The following SHARPIN variants were observed in gnomAD, a reference collection of about 807,000 sequenced individuals.
SHARPIN encodes SHANK associated RH domain interactor.
Under a neutral mutation model 40.3 loss-of-function variants are expected in SHARPIN, and 25 were observed. That is an observed-to-expected ratio of 0.62 (90% CI 0.45 to 0.87). SHARPIN has a LOEUF of 0.87. Ranked by LOEUF, SHARPIN falls within the 40% of genes least tolerant of loss-of-function variation. SHARPIN has a pLI of 0.00. For missense variants in SHARPIN, 551 were observed against 516.1 expected (o/e 1.07, Z -0.66); for synonymous variants, 274 against 221.8 (o/e 1.24, Z -2.09).
chr8:144,103,344 T>C, intron 1 of SHARPIN, 119 bp from the exon 2 acceptor site: 1 of 1,223,714 alleles, frequency 8.2e-7, no homozygotes. Context: ...TGTACGCCTA[T>C]CATCAAATCC....
intron 2 of SHARPIN, among the ~76,000 whole-genome samples, chr8:144,101,403 A>ATTTTT (rs34270727): frequency 1.5e-4 from 14 of 92,418 alleles, no homozygotes; most frequent in Non-Finnish European, 1.8e-4. Context: ...CACTCAGCTA[A>ATTTTT]TTTTTTTTTT....
intron 2 of SHARPIN, 108 bp from the exon 3 acceptor site, chr8:144,100,177 C>T: frequency 7.2e-7 from 1 of 1,390,756 alleles, no homozygotes; most frequent in South Asian, 1.5e-5. Context: ...ATGCCAGGGC[C>T]CTGCCTCAGG....
chr8:144,103,052 A>G lies in SHARPIN; in HGVS notation c.375T>C (p.Asn125=). 1 of 1,613,212 alleles carries G rather than the reference A, an allele frequency of 6.2e-7. No homozygotes were observed. Among genetic ancestry groups the G allele is most frequent in the African/African-American group, 1.3e-5 (1 of 74,900 alleles). Residue 125 remains asparagine, a splice_region_variant and synonymous_variant, in exon 2 of 9, where the codon AAT becomes AAC. Transcript: ENST00000398712. ...LVRGATVEGQ[N]GSKSNSPPAL... ...TTGTATCCATTACAGGGCACTGACC[A>G]TTCTGTCCTTCCACGGTGGCACCTC...
intron 2 of SHARPIN, among the ~76,000 whole-genome samples, chr8:144,102,196 C>T (rs1257886011): frequency 1.3e-5 from 2 of 152,086 alleles, no homozygotes. Flanking sequence ...CGCTACTGCA[C>T]TCCAGTCTGG....
At chr8:144,101,741 G>GTT (rs1439894458) in intron 2 of SHARPIN, among the ~76,000 whole-genome samples, 1 of 151,846 alleles carries the variant, frequency 6.6e-6, no homozygotes, top group East Asian at 1.9e-4. Context: ...TAAATTTTTT[G>GTT]TATGTTGCCC....
Position 144,103,059 on chromosome 8 carries a change from C to G in SHARPIN, c.368G>C (p.Gly123Ala). The change falls in exon 2 of 9, where the codon GGA becomes GCA. Residue 123 changes from glycine to alanine, a missense_variant. Gly to Ala is a moderately conservative substitution (Grantham distance 60, BLOSUM62 0). Coordinates refer to ENST00000398712, the MANE Select transcript of SHARPIN (RefSeq NM_030974.4). ...AVLVRGATVE[G>A]QNGSKSNSPP... ...CATTACAGGGCACTGACCATTCTGT[C>G]CTTCCACGGTGGCACCTCGGACTAG... 6.2e-7 allele frequency: 1 copy of G among 1,613,170 alleles called. No individual in the cohort carries two copies. Among genetic ancestry groups the G allele is most frequent in the Non-Finnish European group, 8.5e-7 (1 of 1,179,878 alleles).
At position 144,099,551 on chromosome 8, in the gene SHARPIN, G is replaced by C; in HGVS notation, c.727C>G (p.Gln243Glu). 6.2e-7 allele frequency: 1 copy of C among 1,614,100 alleles called. No homozygotes were observed. The highest frequency in any genetic ancestry group is 8.5e-7 in the Non-Finnish European group (1 of 1,180,014). ...GCAACAGTGCAGTGGGGGTGGACCT[G>C]CAGGGCAACGTGTGCAGAGGACGCG... is the stretch of plus-strand genomic sequence containing the variant. ...SAASSAHVAL[Q>E]VHPHCTVAAL... Residue 243 changes from glutamine (Q) to glutamate (E), a missense_variant, in exon 5 of 9, where the codon CAG becomes GAG. Coordinates refer to ENST00000398712, the MANE Select transcript of SHARPIN (RefSeq NM_030974.4).
chr8:144,099,028 T>C lies in SHARPIN; in HGVS notation c.1048-34A>G, dbSNP rs771009347. ...AGAGAGACAGTTGTTGCTTCCCTGC[T>C]CTTTCCAATGCCCATGGCTGTCCTG... On this transcript the variant is annotated intron_variant, in intron 7 of 8. Transcript: ENST00000398712. The C allele has an allele frequency of 3.1e-6, 5 of 1,594,528 alleles. No homozygotes were observed. In the African/African-American group the frequency reaches 4.1e-5, roughly 13 times the overall value.
Position 144,099,247 on chromosome 8 carries a change from TCCCACACCCCACCC to T in SHARPIN, c.922+16_922+29del. The T allele has an allele frequency of 6.2e-7, 1 of 1,613,360 alleles. No individual in the cohort carries two copies. Among genetic ancestry groups the T allele is most frequent in the Non-Finnish European group, 8.5e-7 (1 of 1,179,638 alleles). The stretch of plus-strand genomic sequence containing the variant: ...CAGGACTGTGGGGCTGCACCCCACC[TCCCACACCCCACCC>T]CCATCGAGGACTGACCTGGGGCTTC... On this transcript the variant is annotated intron_variant, in intron 6 of 8. Coordinates refer to ENST00000398712, the MANE Select transcript of SHARPIN (RefSeq NM_030974.4).
chr8:144,100,006 G>C lies in SHARPIN; in HGVS notation c.440C>G (p.Pro147Arg), dbSNP rs1478022578. 3 of 1,605,980 alleles carry C rather than the reference G, an allele frequency of 1.9e-6. No individual in the cohort carries two copies. Among genetic ancestry groups the C allele is most frequent in the Non-Finnish European group, 2.6e-6 (3 of 1,176,016 alleles). Residue 147 changes from proline (P) to arginine (R), a missense_variant, in exon 3 of 9, where the codon CCC becomes CGC. By Grantham distance (103) the Pro-to-Arg change is moderately radical. Transcript: ENST00000398712. ...PEACPVSLPS[P>R]PEASTLKGPP... ...GCCCTTGAGTGTGGAGGCTTCCGGG[G>C]GACTGGGCAGGGAGACAGGGCATGC...
Position 144,103,209 on chromosome 8 carries a change from G to C in SHARPIN, c.218C>G (p.Pro73Arg). 6.2e-7 allele frequency: 1 copy of C among 1,608,636 alleles called. No homozygotes were observed. Among genetic ancestry groups the C allele is most frequent in the Non-Finnish European group, 8.5e-7 (1 of 1,177,334 alleles). Residue 73 changes from proline (P) to arginine (R), a missense_variant, in exon 2 of 9, where the codon CCC becomes CGC. Pro to Arg is a moderately radical substitution (Grantham distance 103). Coordinates refer to ENST00000398712, the MANE Select transcript of SHARPIN (RefSeq NM_030974.4). ...GATGGTGTAGGAAACTGACTCCAGG[G>C]GCCACTCCAAATTAACCTGAGAAGA... Reference protein sequence around the residue: ...AGPGAVNLEWPLESVSYTIRG... With the variant: ...AGPGAVNLEWRLESVSYTIRG...
intron 1 of SHARPIN, 139 bp downstream of exon 1, chr8:144,103,414 A>T: frequency 9.1e-7 from 1 of 1,101,164 alleles, no homozygotes; most frequent in African/African-American, 1.6e-5. Context: ...CGTCACCCCC[A>T]TTTCACGGAC....
chr8:144,099,541 G>C lies in SHARPIN; in HGVS notation c.737C>G (p.Pro246Arg), dbSNP rs755733738. The change falls in exon 5 of 9, where the codon CCC becomes CGC. Residue 246 changes from proline (P) to arginine (R), a missense_variant. By Grantham distance (103) the Pro-to-Arg change is moderately radical. Coordinates refer to ENST00000398712, the MANE Select transcript of SHARPIN (RefSeq NM_030974.4). Reference sequence around the variant, plus strand: ...CTGGAGAGCTGCAACAGTGCAGTGGGGGTGGACCTGCAGGGCAACGTGTGC... The same window carrying C: ...CTGGAGAGCTGCAACAGTGCAGTGGCGGTGGACCTGCAGGGCAACGTGTGC... ...SSAHVALQVH[P>R]HCTVAALQEQ... 4 of 1,614,046 alleles carry C rather than the reference G, an allele frequency of 2.5e-6. No homozygotes were observed. The highest frequency in any genetic ancestry group is 3.4e-6 in the Non-Finnish European group (4 of 1,180,008).
chr8:144,099,705 G>C lies in SHARPIN; in HGVS notation c.657C>G (p.Ile219Met). 6.2e-7 allele frequency: 1 copy of C among 1,613,630 alleles called. No individual in the cohort carries two copies. The highest frequency in any genetic ancestry group is 8.5e-7 in the Non-Finnish European group (1 of 1,179,948). Residue 219 changes from isoleucine to methionine, a missense_variant and splice_region_variant, in exon 4 of 9, where the codon ATC (isoleucine) becomes ATG (methionine). Coordinates refer to ENST00000398712, the MANE Select transcript of SHARPIN (RefSeq NM_030974.4). ...LQEACFPPGPIRLQVTLEDAA... is the reference protein window; with the variant it reads ...LQEACFPPGPMRLQVTLEDAA... Reference sequence around the variant, plus strand: ...GAAGAAGCAGCCCCAGGCCTCACCTGATGGGGCCAGGTGGGAAGCAGGCCT... The same window carrying C: ...GAAGAAGCAGCCCCAGGCCTCACCTCATGGGGCCAGGTGGGAAGCAGGCCT...
chr8:144,103,767 G>C lies in SHARPIN; in HGVS notation c.-14C>G. The C allele has an allele frequency of 7.4e-7, 1 of 1,358,158 alleles. No homozygotes were observed. Among genetic ancestry groups the C allele is most frequent in the East Asian group, 3.2e-5 (1 of 31,706 alleles). 84.1% of individuals were successfully genotyped at this position (1,358,158 alleles called of 1,614,324 possible). A position where few individuals can be genotyped will look rare whatever the true frequency, so the allele number is the denominator to read the frequency against. ...TGGCGGCGCCATCTCCGGTCCGGCC[G>C]GGTCCCACCCCTCCGAGCGCGCTTC... On this transcript the variant is annotated 5_prime_UTR_variant, in exon 1 of 9. Coordinates refer to ENST00000398712, the MANE Select transcript of SHARPIN (RefSeq NM_030974.4).
rs768069353 is a variant in SHARPIN at position 144,099,071 on chromosome 8, C to T, written c.1047+10G>A. ...CTGTCCTGGCCCTCCCTGCCCAGTC[C>T]CGTGCCCACCTGGAGTGGACTGGGC... On this transcript the variant is annotated intron_variant, in intron 7 of 8. Coordinates refer to ENST00000398712, the MANE Select transcript of SHARPIN (RefSeq NM_030974.4). 9.5e-6 allele frequency: 15 copies of T among 1,571,496 alleles called. No individual in the cohort carries two copies. The African/African-American group carries it at 2.1e-4, about 22-fold the overall frequency.
Position 144,099,001 on chromosome 8 carries a change from G to C in SHARPIN, c.1048-7C>G. ...AAGGACAGGACCAGCTGGGCTGGGG[G>C]AAGAGAGACAGTTGTTGCTTCCCTG... On this transcript the variant is annotated splice_polypyrimidine_tract_variant and splice_region_variant and intron_variant, in intron 7 of 8. Transcript: ENST00000398712. 6.2e-7 allele frequency: 1 copy of C among 1,602,304 alleles called. No individual in the cohort carries two copies. Among genetic ancestry groups the C allele is most frequent in the Non-Finnish European group, 8.5e-7 (1 of 1,176,328 alleles).
rs1226405915 is a variant in SHARPIN, at chr8:144,103,688, C to T, written c.66G>A (p.Leu22=). 6.7e-7 allele frequency: 1 copy of T among 1,503,120 alleles called. No individual in the cohort carries two copies. The highest frequency in any genetic ancestry group is 2.7e-5 in the East Asian group (1 of 37,180). 93.1% of individuals were successfully genotyped at this position (1,503,120 alleles called of 1,614,324 possible). ...ASDLGSAAVL[L]AVHAAVRPLG... ...GCGGCCTCACCGCGGCGTGCACAGC[C>T]AAGAGCACTGCGGCGGAGCCCAAGT... The change falls in exon 1 of 9, where the codon TTG becomes TTA. Residue 22 remains leucine, a synonymous_variant. Transcript: ENST00000398712.
chr8:144,102,890 A>T, intron 2 of SHARPIN, 161 bp downstream of exon 2: 4 of 762,250 alleles, frequency 5.2e-6, no homozygotes, highest in Non-Finnish European at 8.6e-6. Flanking sequence ...TGACTCCAGC[A>T]GCCACTCCAA....
Sources: allele counts gnomAD v4.1 joint callset (sites outside exome capture counted in the v4.1 genomes callset), GRCh38; gene constraint gnomAD v4.1.1; transcripts MANE v1.5; gene names NCBI Gene and HGNC (gene_info 2026-07-23, HGNC 2026-07-21).